The following PAK5 variants were observed in gnomAD, a reference collection of about 807,000 sequenced individuals.
PAK5 encodes serine/threonine-protein kinase PAK 5.
A neutral mutation model predicts 65.9 loss-of-function variants in PAK5; 16 were observed. That is an observed-to-expected ratio of 0.24 (90% confidence interval 0.16 to 0.37). PAK5 has a LOEUF of 0.37. Ranked by LOEUF, PAK5 falls within the 10% of genes least tolerant of loss-of-function variation. The probability of loss-of-function intolerance (pLI) is 1.00; values close to 1 mark genes in which losing one functional copy is unlikely to be tolerated. For synonymous variants in PAK5, 371 were observed against 354.9 expected (o/e 1.05, Z -0.51); for missense variants, 785 against 903.9 (o/e 0.87, Z 1.69).
Position 9,607,894 on chromosome 20 carries a change from C to T in PAK5, c.205-26964G>A, listed in dbSNP as rs182933869. Among the ~76,000 whole-genome samples the T allele has an allele frequency of 5.8e-4, 89 of 152,184 alleles. No individual in the cohort carries two copies. The East Asian group carries it at 0.012, about 20-fold the overall frequency. On this transcript the variant is annotated intron_variant, in intron 3 of 9. Coordinates refer to ENST00000353224, the MANE Select transcript of PAK5 (RefSeq NM_177990.4). ...GATGCTTCTTTTTGGTACTATTAGT[C>T]GATTTAGACTGCTTTAACAGAATGT...
chr20:9,581,614 C>T (rs1048078331), intron 3 of PAK5, among the ~76,000 whole-genome samples: 1 of 152,140 alleles, frequency 6.6e-6, no homozygotes, highest in Non-Finnish European at 1.5e-5. Context: ...GTTATGGCCA[C>T]ACTTCTGTGT....
intron 1 of PAK5, among the ~76,000 whole-genome samples, chr20:9,835,411 C>A (rs1315654076): frequency 1.3e-5 from 2 of 152,006 alleles, no homozygotes; most frequent in African/African-American, 4.8e-5. Context: ...TGGGGATGTT[C>A]CAGAAACAGA....
chr20:9,758,656 G>T (rs2048662995), intron 1 of PAK5, among the ~76,000 whole-genome samples: 1 of 152,156 alleles, frequency 6.6e-6, no homozygotes, highest in Non-Finnish European at 1.5e-5. Flanking sequence ...TTGAAAACTT[G>T]CCAAGGCTAA....
chr20:9,743,606 G>A (rs181256745), intron 1 of PAK5, among the ~76,000 whole-genome samples: 2 of 152,224 alleles, frequency 1.3e-5, no homozygotes, highest in East Asian at 1.9e-4. Context: ...AGAAATAGAC[G>A]TTGGAATACT....
intron 2 of PAK5, among the ~76,000 whole-genome samples, chr20:9,707,818 A>C (rs2048027663): frequency 1.3e-5 from 2 of 152,166 alleles, no homozygotes; most frequent in Non-Finnish European, 2.9e-5. Context: ...ATCTGAGACT[A>C]TTCAGCCCCA....
At chr20:9,725,469 A>C (rs2048265594) in intron 1 of PAK5, among the ~76,000 whole-genome samples, 1 of 152,224 alleles carries the variant, frequency 6.6e-6, no homozygotes. Context: ...ATGAAAAAAC[A>C]ATTAAATGAT....
At chr20:9,611,666 T>A (rs562550306) in intron 3 of PAK5, among the ~76,000 whole-genome samples, 1 of 152,220 alleles carries the variant, frequency 6.6e-6, no homozygotes, top group African/African-American at 2.4e-5. Flanking sequence ...TTTGTTTTTA[T>A]TGTTGTTCTT....
At chr20:9,685,151 G>A (rs1315057505) in intron 2 of PAK5, among the ~76,000 whole-genome samples, 2 of 152,260 alleles carry the variant, frequency 1.3e-5, no homozygotes, top group Non-Finnish European at 2.9e-5. Context: ...AGCACACTGA[G>A]TATCTTTTTA....
At chr20:9,741,988 C>A (rs1363450536) in intron 1 of PAK5, among the ~76,000 whole-genome samples, 2 of 152,100 alleles carry the variant, frequency 1.3e-5, no homozygotes, top group Non-Finnish European at 2.9e-5. Context: ...TTAAACCCTA[C>A]CTTAGAAAGA....
At chr20:9,654,652 G>A (rs114811362) in intron 2 of PAK5, among the ~76,000 whole-genome samples, 1,651 of 151,976 alleles carry the variant, frequency 0.011, 29 homozygotes, top group African/African-American at 0.037. Context: ...ACTTCTCACC[G>A]ACCTTAAAAA....
chr20:9,641,641 G>T (rs1038198571), intron 3 of PAK5, among the ~76,000 whole-genome samples: 5 of 152,020 alleles, frequency 3.3e-5, no homozygotes, highest in Non-Finnish European at 7.4e-5. Context: ...GGAGCAGGGG[G>T]TGGTGCTCGT....
At chr20:9,786,785 C>G (rs901609843) in intron 1 of PAK5, among the ~76,000 whole-genome samples, 2 of 152,050 alleles carry the variant, frequency 1.3e-5, no homozygotes, top group Non-Finnish European at 2.9e-5. Context: ...GAATGTGTTT[C>G]AATACTTTTT....
chr20:9,820,865 G>GGTTCAACAATTAGA (rs1410343726), intron 1 of PAK5, among the ~76,000 whole-genome samples: 1 of 152,134 alleles, frequency 6.6e-6, no homozygotes, highest in Non-Finnish European at 1.5e-5. Context: ...GTAACACTCA[G>GGTTCAACAATTAGA]GTTCAACAAT....
At chr20:9,680,435 C>T (rs1231759849) in intron 2 of PAK5, among the ~76,000 whole-genome samples, 1 of 152,130 alleles carries the variant, frequency 6.6e-6, no homozygotes, top group Non-Finnish European at 1.5e-5. Flanking sequence ...GAGCATATTT[C>T]CAACAGGTTA....
intron 1 of PAK5, among the ~76,000 whole-genome samples, chr20:9,774,825 G>T (rs917817708): frequency 2.0e-5 from 3 of 151,986 alleles, no homozygotes; most frequent in Non-Finnish European, 4.4e-5. Context: ...GTGTGATGGT[G>T]GGCGCCTGTA....
intron 1 of PAK5, among the ~76,000 whole-genome samples, chr20:9,835,426 G>A (rs1401301506): frequency 6.6e-6 from 1 of 152,154 alleles, no homozygotes; most frequent in Non-Finnish European, 1.5e-5. Flanking sequence ...AACAGACAGA[G>A]GGTCAGTGTG....
intron 1 of PAK5, among the ~76,000 whole-genome samples, chr20:9,773,842 T>C (rs1259798836): frequency 1.3e-5 from 2 of 152,208 alleles, no homozygotes; most frequent in Non-Finnish European, 2.9e-5. Context: ...GAGGTGAGTC[T>C]AAGGTAAAGT....
chr20:9,790,622 C>G (rs1426285417), intron 1 of PAK5, among the ~76,000 whole-genome samples: 2 of 152,130 alleles, frequency 1.3e-5, no homozygotes, highest in African/African-American at 4.8e-5. Flanking sequence ...CCTCCCACCT[C>G]ACCCTCCTTA....
At chr20:9,657,134 A>G (rs2047279117) in intron 2 of PAK5, among the ~76,000 whole-genome samples, 2 of 152,170 alleles carry the variant, frequency 1.3e-5, no homozygotes, top group Admixed American at 1.3e-4. Context: ...TTTTAAAGTT[A>G]CATGTTCCCT....
Sources: gnomAD v4.1 joint callset for allele counts (sites outside exome capture counted in the v4.1 genomes callset) on GRCh38, gnomAD v4.1.1 for gene constraint, MANE v1.5 for transcripts, NCBI Gene and HGNC (gene_info 2026-07-23, HGNC 2026-07-21) for gene names.